Variants in AFG1L observed in about 807,000 individuals in gnomAD.
AFG1L encodes the protein AFG1 like ATPase.
AFG1L carries 53 observed loss-of-function variants against 62.2 expected under a neutral mutation model. The ratio of observed to expected loss-of-function variants is 0.85; its 90% CI spans 0.68 to 1.07. The LOEUF is 1.07. Among genes scored for constraint, AFG1L ranks in the 50% least tolerant of loss-of-function variants. The pLI is 0.00. For synonymous variants in AFG1L, 228 were observed against 210.3 expected, an observed-to-expected ratio of 1.08 and a Z score of -0.73; for missense variants, 555 against 590.5, an observed-to-expected ratio of 0.94 and a Z score of 0.62.
At chr6:108,328,948 C>T (rs1778165057) in intron 2 of AFG1L, among the ~76,000 whole-genome samples, 2 of 152,168 alleles carry the variant, frequency 1.3e-5, no homozygotes, top group Non-Finnish European at 2.9e-5. Flanking sequence ...TTTGATATGT[C>T]AGGTAGAGTT....
At chr6:108,384,941 G>A (rs1200706535) in intron 6 of AFG1L, among the ~76,000 whole-genome samples, 1 of 152,146 alleles carries the variant, frequency 6.6e-6, no homozygotes, top group Non-Finnish European at 1.5e-5. Context: ...GTGAGGAACT[G>A]TGCAAGCTTC....
chr6:108,310,214 C>T (rs1341809240), intron 1 of AFG1L, among the ~76,000 whole-genome samples: 1 of 152,192 alleles, frequency 6.6e-6, no homozygotes, highest in Non-Finnish European at 1.5e-5. Context: ...AACAAGCCTG[C>T]AACATTTACA....
intron 7 of AFG1L, among the ~76,000 whole-genome samples, chr6:108,438,999 C>T: frequency 6.6e-6 from 1 of 152,182 alleles, no homozygotes; most frequent in African/African-American, 2.4e-5. Context: ...AGGAAGAACT[C>T]AGCCCTGAAG....
At chr6:108,373,151 T>C (rs960880960) in intron 6 of AFG1L, among the ~76,000 whole-genome samples, 2 of 152,106 alleles carry the variant, frequency 1.3e-5, no homozygotes, top group African/African-American at 2.4e-5. Context: ...GTACTGAGCA[T>C]AGTATCTAAC....
intron 10 of AFG1L, among the ~76,000 whole-genome samples, chr6:108,492,011 C>T (rs1773795505): frequency 6.6e-6 from 1 of 152,176 alleles, no homozygotes; most frequent in African/African-American, 2.4e-5. Context: ...AGTAACAAAA[C>T]CTCTGCATTT....
intron 7 of AFG1L, among the ~76,000 whole-genome samples, chr6:108,421,356 C>T (rs1465489647): frequency 6.6e-6 from 1 of 152,134 alleles, no homozygotes; most frequent in East Asian, 1.9e-4. Context: ...CACTGTTGGG[C>T]TGGATGGACA....
chr6:108,318,557 A>C (rs1174359817), intron 1 of AFG1L, among the ~76,000 whole-genome samples: 1 of 152,250 alleles, frequency 6.6e-6, no homozygotes, highest in African/African-American at 2.4e-5. Flanking sequence ...AAATAGGAGT[A>C]ATTTTTACCA....
chr6:108,443,010 A>G (rs564950536), intron 7 of AFG1L, among the ~76,000 whole-genome samples: 1 of 152,338 alleles, frequency 6.6e-6, no homozygotes, highest in East Asian at 1.9e-4. Flanking sequence ...GAGGAAGAAC[A>G]TTGCTACTTC....
At chr6:108,350,151 G>GCACCACTGATC (rs1779025280) in intron 3 of AFG1L, among the ~76,000 whole-genome samples, 1 of 151,636 alleles carries the variant, frequency 6.6e-6, no homozygotes, top group South Asian at 2.1e-4. Context: ...AGCCGAGATC[G>GCACCACTGATC]CACCACTGCA....
chr6:108,439,013 C>G (rs572268958), intron 7 of AFG1L, among the ~76,000 whole-genome samples: 1 of 152,038 alleles, frequency 6.6e-6, no homozygotes, highest in East Asian at 1.9e-4. Context: ...CCTGAAGAGC[C>G]CTGAAGTGAG....
intron 11 of AFG1L, among the ~76,000 whole-genome samples, chr6:108,510,975 G>T (rs1774622317): frequency 1.3e-5 from 2 of 151,956 alleles, no homozygotes; most frequent in Admixed American, 1.3e-4. Flanking sequence ...TACTTGGGAG[G>T]CTAAGGTGGG....
intron 2 of AFG1L, among the ~76,000 whole-genome samples, chr6:108,337,924 G>T (rs1015282582): frequency 1.3e-5 from 2 of 152,166 alleles, no homozygotes; most frequent in Non-Finnish European, 2.9e-5. Context: ...AGTGGCTCAT[G>T]CCTGTAATCC....
chr6:108,297,858 CAA>C (rs774320900), intron 1 of AFG1L, among the ~76,000 whole-genome samples: 23 of 45,110 alleles, frequency 5.1e-4, no homozygotes, highest in Non-Finnish European at 7.9e-4. Flanking sequence ...GAACCTGTCT[CAA>C]AAAAAAAAAA....
chr6:108,457,348 T>C (rs79278235), intron 8 of AFG1L, among the ~76,000 whole-genome samples: 6,463 of 152,166 alleles, frequency 0.042, 214 homozygotes, highest in South Asian at 0.11. Flanking sequence ...TTTTTTTCTT[T>C]TAATAGTCAC....
intron 7 of AFG1L, among the ~76,000 whole-genome samples, chr6:108,408,378 C>T (rs1189560267): frequency 6.6e-6 from 1 of 152,174 alleles, no homozygotes; most frequent in Admixed American, 6.5e-5. Flanking sequence ...GTGTATTGTT[C>T]TTTGCCCAAC....
At chr6:108,478,189 G>A (rs1351186111) in intron 10 of AFG1L, among the ~76,000 whole-genome samples, 1 of 152,214 alleles carries the variant, frequency 6.6e-6, no homozygotes, top group African/African-American at 2.4e-5. Context: ...TGTAATCCCA[G>A]CACTTTGGGA....
chr6:108,407,382 G>T (rs1176621313), intron 7 of AFG1L, among the ~76,000 whole-genome samples: 1 of 151,972 alleles, frequency 6.6e-6, no homozygotes, highest in Non-Finnish European at 1.5e-5. Context: ...TCTAAGTCTG[G>T]GATATATGAG....
Position 108,524,557 on chromosome 6 carries a change from G to A in AFG1L, c.*2132G>A, listed in dbSNP as rs1397572677. On this transcript the variant is annotated 3_prime_UTR_variant, in exon 13 of 13. Coordinates refer to ENST00000368977, the MANE Select transcript of AFG1L (RefSeq NM_145315.5). ...CTTCCCTATAATGTCATTTTGGTAC[G>A]AAAGAACTTAAACCCTGAGAAAAAA... The A allele has an allele frequency of 2.6e-5, 4 of 152,166 alleles. No homozygotes were observed. Among genetic ancestry groups the A allele is most frequent in the South Asian group, 2.1e-4 (1 of 4,834 alleles). The allele number at this position is 152,166 out of a possible 1,614,324, so 9.4% of individuals were successfully genotyped here. A position where few individuals can be genotyped will look rare whatever the true frequency, so the allele number is the denominator to read the frequency against.
intron 7 of AFG1L, among the ~76,000 whole-genome samples, chr6:108,404,415 G>A (rs1172131642): frequency 2.6e-5 from 4 of 152,080 alleles, no homozygotes; most frequent in African/African-American, 9.7e-5. Context: ...TAACAAAAAT[G>A]TATATAAGCT....
Sources: allele counts gnomAD v4.1 joint callset (sites outside exome capture counted in the v4.1 genomes callset), GRCh38; gene constraint gnomAD v4.1.1; transcripts MANE v1.5; gene names NCBI Gene and HGNC (gene_info 2026-07-23, HGNC 2026-07-21).